The following MAMDC2 variants were observed in gnomAD, a reference collection of about 807,000 sequenced individuals.
The protein encoded by MAMDC2 is MAM domain-containing protein 2.
Under a neutral mutation model 89.8 loss-of-function variants are expected in MAMDC2, and 57 were observed. The ratio of observed to expected loss-of-function variants is 0.63; its 90% CI spans 0.51 to 0.79. The LOEUF is 0.79. MAMDC2 is among the 30% of genes least tolerant of loss of function. The pLI is 0.00. For synonymous variants in MAMDC2, 313 were observed against 293.4 expected (o/e 1.07, Z -0.68); for missense variants, 800 against 820.6 (o/e 0.97, Z 0.31).
intron 11 of MAMDC2, among the ~76,000 whole-genome samples, chr9:70,193,095 C>T (rs1272488909): frequency 6.6e-6 from 1 of 151,986 alleles, no homozygotes; most frequent in Non-Finnish European, 1.5e-5. Flanking sequence ...AAAGATAGGC[C>T]TAGGAGAAGG....
At chr9:70,198,675 T>C (rs917972094) in intron 11 of MAMDC2, among the ~76,000 whole-genome samples, 2 of 152,180 alleles carry the variant, frequency 1.3e-5, no homozygotes, top group African/African-American at 4.8e-5. Flanking sequence ...CAGCACTTTC[T>C]TTTGTAGTAC....
intron 9 of MAMDC2, among the ~76,000 whole-genome samples, chr9:70,164,325 G>A (rs1473424458): frequency 6.6e-6 from 1 of 152,204 alleles, no homozygotes; most frequent in Non-Finnish European, 1.5e-5. Context: ...TAGTATAGTA[G>A]AGAGTAAGTT....
At chr9:70,200,659 C>G (rs986763561) in intron 11 of MAMDC2, among the ~76,000 whole-genome samples, 70 of 138,280 alleles carry the variant, frequency 5.1e-4, no homozygotes, top group East Asian at 7.0e-4. Flanking sequence ...GCCATTTTCA[C>G]GATATTGATT....
intron 9 of MAMDC2, among the ~76,000 whole-genome samples, chr9:70,162,486 CTTTTG>C (rs1350709870): frequency 6.6e-6 from 1 of 151,064 alleles, no homozygotes; most frequent in South Asian, 2.1e-4. Flanking sequence ...TTCCTGGGTA[CTTTTG>C]TTTTGTTTTG....
intron 7 of MAMDC2, among the ~76,000 whole-genome samples, chr9:70,139,335 T>C (rs992887052): frequency 3.7e-5 from 5 of 136,486 alleles, no homozygotes; most frequent in African/African-American, 1.4e-4. Context: ...TGTGTTCTCA[T>C]TGTTCAATTC....
intron 2 of MAMDC2, among the ~76,000 whole-genome samples, chr9:70,066,940 T>G (rs1036169574): frequency 3.3e-5 from 5 of 152,308 alleles, no homozygotes; most frequent in African/African-American, 1.2e-4. Flanking sequence ...TCACTCCTCC[T>G]TGTTGCAGGT....
intron 2 of MAMDC2, chr9:70,088,659 A>G (rs1225042854): frequency 6.6e-6 from 1 of 150,912 alleles, no homozygotes; most frequent in Non-Finnish European, 1.5e-5. Flanking sequence ...AACATACTAG[A>G]TTCACCAGTA....
intron 5 of MAMDC2, among the ~76,000 whole-genome samples, chr9:70,123,423 A>G (rs10511980): frequency 0.52 from 79,737 of 151,996 alleles, 24,198 homozygotes; most frequent in Non-Finnish European, 0.67. Flanking sequence ...GATTCTATCC[A>G]GTCTGTCATT....
intron 9 of MAMDC2, among the ~76,000 whole-genome samples, chr9:70,146,618 A>G (rs535815100): frequency 6.6e-6 from 1 of 152,302 alleles, no homozygotes; most frequent in Non-Finnish European, 1.5e-5. Flanking sequence ...TTCCCTCACT[A>G]GTCCCTACTG....
intron 11 of MAMDC2, among the ~76,000 whole-genome samples, chr9:70,212,083 A>G (rs923699307): frequency 1.3e-5 from 2 of 152,240 alleles, no homozygotes; most frequent in Non-Finnish European, 2.9e-5. Flanking sequence ...TCAGGGACCC[A>G]CTTGAGGAGG....
chr9:70,127,703 A>G (rs1423586311), intron 6 of MAMDC2, among the ~76,000 whole-genome samples: 1 of 146,882 alleles, frequency 6.8e-6, no homozygotes, highest in Non-Finnish European at 1.5e-5. Context: ...AAAAAAAAAC[A>G]CTCTAGAGAG....
chr9:70,051,867 A>G (rs976724596), intron 2 of MAMDC2, among the ~76,000 whole-genome samples: 7 of 150,376 alleles, frequency 4.7e-5, no homozygotes, highest in African/African-American at 1.7e-4. Context: ...ATTTATATCT[A>G]TTTACCTATC....
At chr9:70,143,938 C>T in intron 9 of MAMDC2, 119 bp downstream of exon 9, 1 of 1,197,368 alleles carries the variant, frequency 8.4e-7, no homozygotes, top group East Asian at 2.3e-5. Context: ...GGCCTACGGC[C>T]TCACCCTTAC....
chr9:70,200,803 T>C (rs1156232196), intron 11 of MAMDC2, among the ~76,000 whole-genome samples: 2 of 150,906 alleles, frequency 1.3e-5, no homozygotes, highest in East Asian at 3.9e-4. Flanking sequence ...TATTGTATTC[T>C]CTTTGAAGCA....
chr9:70,221,370 T>TAGAGAGAGAGAGAG (rs1274916631), intron 12 of MAMDC2, among the ~76,000 whole-genome samples: 1 of 7,158 alleles, frequency 1.4e-4, no homozygotes, highest in African/African-American at 3.8e-4. Context: ...TATATATATA[T>TAGAGAGAGAGAGAG]ATATATATAT....
chr9:70,178,555 A>C (rs757769106), intron 11 of MAMDC2, among the ~76,000 whole-genome samples: 12 of 152,158 alleles, frequency 7.9e-5, no homozygotes, highest in Non-Finnish European at 1.3e-4. Context: ...ATGCATAAAC[A>C]AACAAAGGTT....
At chr9:70,219,793 A>G (rs2033524447) in intron 12 of MAMDC2, among the ~76,000 whole-genome samples, 1 of 152,228 alleles carries the variant, frequency 6.6e-6, no homozygotes, top group African/African-American at 2.4e-5. Flanking sequence ...TGGATGGCTC[A>G]GGAACTTACT....
At chr9:70,067,203 T>A (rs921318629) in intron 2 of MAMDC2, among the ~76,000 whole-genome samples, 2 of 152,156 alleles carry the variant, frequency 1.3e-5, no homozygotes, top group African/African-American at 4.8e-5. Context: ...GAAAAAGGCA[T>A]GTGATCTTGG....
At chr9:70,079,706 T>C (rs1827612261) in intron 2 of MAMDC2, among the ~76,000 whole-genome samples, 1 of 152,208 alleles carries the variant, frequency 6.6e-6, no homozygotes, top group Non-Finnish European at 1.5e-5. Flanking sequence ...ATAATAAATC[T>C]GTCCTTTGCA....
Sources: gnomAD v4.1 joint callset for allele counts (sites outside exome capture counted in the v4.1 genomes callset) on GRCh38, gnomAD v4.1.1 for gene constraint, MANE v1.5 for transcripts, NCBI Gene and HGNC (gene_info 2026-07-23, HGNC 2026-07-21) for gene names.